Variants in COL13A1 observed in about 807,000 individuals in gnomAD.
The protein encoded by COL13A1 is collagen alpha-1(XIII) chain.
A neutral mutation model predicts 130.9 loss-of-function variants in COL13A1; 89 were observed. That is an observed-to-expected ratio of 0.68 (90% confidence interval 0.57 to 0.81). The LOEUF is 0.81. Ranked by LOEUF, COL13A1 falls within the 30% of genes least tolerant of loss-of-function variation. The probability of loss-of-function intolerance (pLI) is 0.00; values close to 1 mark genes in which losing one functional copy is unlikely to be tolerated. For synonymous variants in COL13A1, 402 were observed against 341.6 expected, an observed-to-expected ratio of 1.18 and a Z score of -1.95; for missense variants, 879 against 934.6, an observed-to-expected ratio of 0.94 and a Z score of 0.78.
chr10:69,945,846 G>A, intron 37 of COL13A1, 122 bp downstream of exon 37: 3 of 1,239,904 alleles, frequency 2.4e-6, no homozygotes, highest in Non-Finnish European at 2.3e-6. Flanking sequence ...GCCGAGGCGG[G>A]CGCATCACGA....
At chr10:69,889,846 G>T (rs936094663) in intron 10 of COL13A1, among the ~76,000 whole-genome samples, 1 of 152,180 alleles carries the variant, frequency 6.6e-6, no homozygotes, top group African/African-American at 2.4e-5. Flanking sequence ...ACCCCTTCCG[G>T]GTGCTGGCTG....
intron 14 of COL13A1, among the ~76,000 whole-genome samples, chr10:69,900,320 C>T (rs2062059245): frequency 6.6e-6 from 1 of 152,216 alleles, no homozygotes; most frequent in Non-Finnish European, 1.5e-5. Context: ...CAAATTATCT[C>T]ATGCATTCCC....
At chr10:69,871,901 A>G (rs2059106083) in intron 3 of COL13A1, among the ~76,000 whole-genome samples, 1 of 152,198 alleles carries the variant, frequency 6.6e-6, no homozygotes, top group South Asian at 2.1e-4. Context: ...CATTTTCAAG[A>G]TGAAAACACT....
intron 14 of COL13A1, among the ~76,000 whole-genome samples, chr10:69,902,474 C>T (rs948561568): frequency 1.3e-5 from 2 of 151,978 alleles, no homozygotes; most frequent in African/African-American, 2.4e-5. Flanking sequence ...TCTGCCTCTG[C>T]CCCCCCGCAG....
At chr10:69,947,244 A>T in intron 37 of COL13A1, 63 bp from the exon 38 acceptor site, 1 of 1,466,654 alleles carries the variant, frequency 6.8e-7, no homozygotes, top group Non-Finnish European at 9.5e-7. Flanking sequence ...CCTGGAAGAA[A>T]GCACTGTACA....
chr10:69,899,100 G>A (rs746614266), intron 14 of COL13A1, among the ~76,000 whole-genome samples: 6 of 152,190 alleles, frequency 3.9e-5, no homozygotes, highest in Non-Finnish European at 5.9e-5. Flanking sequence ...TGAGGAAATC[G>A]AGGCTCAGAG....
At chr10:69,832,963 A>G (rs1849163287) in intron 2 of COL13A1, among the ~76,000 whole-genome samples, 1 of 152,212 alleles carries the variant, frequency 6.6e-6, no homozygotes, top group African/African-American at 2.4e-5. Flanking sequence ...TCCATTGTCC[A>G]AGGAACTCTC....
At chr10:69,871,700 T>G (rs1474630171) in intron 3 of COL13A1, among the ~76,000 whole-genome samples, 1 of 152,184 alleles carries the variant, frequency 6.6e-6, no homozygotes, top group Admixed American at 6.5e-5. Context: ...AGAAACTGTA[T>G]GTGACAGCAG....
At chr10:69,925,462 A>G (rs1026570475) in intron 25 of COL13A1, among the ~76,000 whole-genome samples, 23 of 152,196 alleles carry the variant, frequency 1.5e-4, no homozygotes, top group Admixed American at 1.2e-3. Flanking sequence ...TGGGGTCCCA[A>G]GTTTTTATGT....
At chr10:69,937,138 G>A (rs900297775) in intron 33 of COL13A1, among the ~76,000 whole-genome samples, 1 of 152,210 alleles carries the variant, frequency 6.6e-6, no homozygotes, top group Non-Finnish European at 1.5e-5. Context: ...CAAGCTTGGG[G>A]GGACTCTGCA....
At chr10:69,869,230 A>T (rs2058823679) in intron 3 of COL13A1, among the ~76,000 whole-genome samples, 1 of 152,096 alleles carries the variant, frequency 6.6e-6, no homozygotes, top group South Asian at 2.1e-4. Flanking sequence ...GGTGGAGGGG[A>T]TGAGTCTTCA....
chr10:69,834,194 T>A lies in COL13A1; in HGVS notation c.364+11756T>A, dbSNP rs537458265. ...TCTCACAAGGAACCTGCAACCTAGA[T>A]CCCTCGCATGCGCAGTCTGCAATAG... is the stretch of plus-strand genomic sequence containing the variant. On this transcript the variant is annotated intron_variant, in intron 2 of 40. Transcript: ENST00000645393. 5.3e-5 allele frequency among the ~76,000 whole-genome samples: 8 copies of A among 152,270 alleles called. No homozygotes were observed. The South Asian group carries it at 1.7e-3, about 32-fold the overall frequency.
intron 14 of COL13A1, among the ~76,000 whole-genome samples, chr10:69,900,230 C>T (rs568489245): frequency 3.0e-4 from 46 of 152,300 alleles, no homozygotes; most frequent in African/African-American, 9.9e-4. Flanking sequence ...GCCCCAACAG[C>T]GACCTCCCAG....
intron 23 of COL13A1, among the ~76,000 whole-genome samples, chr10:69,923,268 T>C (rs3793829): frequency 0.051 from 7,713 of 152,164 alleles, 276 homozygotes; most frequent in East Asian, 0.19. Context: ...GCACATCTGG[T>C]AGGTGGCAGC....
In COL13A1 at chr10:69,804,890, A is replaced by G. The variant is rs556057872; in HGVS notation, c.294+2173A>G. Among the ~76,000 whole-genome samples the G allele has an allele frequency of 2.7e-5, 4 of 150,766 alleles. No individual in the cohort carries two copies. In the East Asian group the frequency reaches 7.8e-4, roughly 29 times the overall value. The stretch of plus-strand genomic sequence containing the variant: ...GGGGCCTGGGGAATGCATTACATGC[A>G]ACATTGTCTGATGGTGGTGGCAGTC... On this transcript the variant is annotated intron_variant, in intron 1 of 40. Coordinates refer to ENST00000645393, the MANE Select transcript of COL13A1 (RefSeq NM_001368882.1).
intron 32 of COL13A1, among the ~76,000 whole-genome samples, 192 bp downstream of exon 32, chr10:69,935,583 G>A (rs971573373): frequency 6.6e-6 from 1 of 152,218 alleles, no homozygotes; most frequent in Non-Finnish European, 1.5e-5. Flanking sequence ...AAGGAGCCCA[G>A]GCATTGCCTG....
intron 1 of COL13A1, among the ~76,000 whole-genome samples, chr10:69,803,762 A>T (rs1017714123): frequency 8.6e-5 from 13 of 152,028 alleles, no homozygotes; most frequent in African/African-American, 3.1e-4. Flanking sequence ...TTTTATCCCC[A>T]CTCTGCTACT....
chr10:69,841,142 G>A lies in COL13A1; in HGVS notation c.364+18704G>A, dbSNP rs575890152. ...TTAGGAGCAGGGCTCTCATCACCAG[G>A]CCTCTGCCCCTGCTCTTCCCTCTGC... On this transcript the variant is annotated intron_variant, in intron 2 of 40. Coordinates refer to ENST00000645393, the MANE Select transcript of COL13A1 (RefSeq NM_001368882.1). Among the ~76,000 whole-genome samples the A allele has an allele frequency of 9.9e-5, 15 of 151,712 alleles. No individual in the cohort carries two copies. In the South Asian group the frequency reaches 2.7e-3, roughly 28 times the overall value.
rs866998214 is a variant in COL13A1 at position 69,935,349 on chromosome 10, G to T, written c.1729-1G>T. 6.3e-7 allele frequency: 1 copy of T among 1,580,044 alleles called. No individual in the cohort carries two copies. The highest frequency in any genetic ancestry group is 2.3e-5 in the East Asian group (1 of 43,344). On this transcript the variant is annotated splice_acceptor_variant, in intron 31 of 40. Transcript: ENST00000645393. LOFTEE classifies it high-confidence loss of function. ...TAACAGGGCTCCCCTTTGGCTTTTA[G>T]GTTCCTGGGCTGCCAGGGCCAGAGG...
Sources: gnomAD v4.1 joint callset for allele counts (sites outside exome capture counted in the v4.1 genomes callset) on GRCh38, gnomAD v4.1.1 for gene constraint, MANE v1.5 for transcripts, NCBI Gene and HGNC (gene_info 2026-07-23, HGNC 2026-07-21) for gene names.